RGPD2: variants seen among roughly 807,000 people sequenced by gnomAD.
RGPD2 encodes RANBP2 like and GRIP domain containing 2.
A neutral mutation model predicts 36.0 loss-of-function variants in RGPD2; 2 were observed. The ratio of observed to expected loss-of-function variants is 0.06; its 90% CI spans 0.02 to 0.17. The LOEUF (loss-of-function observed/expected upper bound fraction) is 0.17, where lower values mean the gene tolerates loss of function less well. RGPD2 is among the 10% of genes least tolerant of loss of function. RGPD2 has a pLI of 1.00. For synonymous variants in RGPD2, 19 were observed against 163.8 expected (o/e 0.12, Z 6.75); for missense variants, 40 against 464.3 (o/e 0.09, Z 8.40).
the RGPD2 span, among the ~76,000 whole-genome samples, chr2:87,849,453 AT>A: frequency 3.3e-5 from 5 of 152,068 alleles, no homozygotes; most frequent in Non-Finnish European, 7.4e-5. Flanking sequence ...TAATTTTGAG[AT>A]TTTTTTTCCT....
chr2:87,941,272 AC>A, the RGPD2 span, among the ~76,000 whole-genome samples: 3 of 149,184 alleles, frequency 2.0e-5, no homozygotes, highest in African/African-American at 7.4e-5. Flanking sequence ...TATATAGAAA[AC>A]TGGCTCAATG....
the RGPD2 span, among the ~76,000 whole-genome samples, chr2:87,961,188 A>C: frequency 2.2e-4 from 33 of 152,368 alleles, no homozygotes; most frequent in African/African-American, 7.9e-4. Context: ...AAGTGCACAC[A>C]ATTATTACTG....
chr2:87,890,525 AT>A, the RGPD2 span, among the ~76,000 whole-genome samples: 1 of 151,748 alleles, frequency 6.6e-6, no homozygotes, highest in African/African-American at 2.4e-5. Context: ...TGTTCTAGAC[AT>A]TTTTTTGTGT....
the RGPD2 span, among the ~76,000 whole-genome samples, chr2:87,964,095 G>A: frequency 6.6e-6 from 1 of 152,094 alleles, no homozygotes; most frequent in African/African-American, 2.4e-5. Flanking sequence ...GCCTCCCAAA[G>A]TGCTCGGATA....
chr2:87,878,924 A>T, the RGPD2 span, among the ~76,000 whole-genome samples: 1 of 152,194 alleles, frequency 6.6e-6, no homozygotes, highest in East Asian at 1.9e-4. Context: ...CATCTTAATG[A>T]CTGAATCGTA....
At chr2:87,979,962 T>G in the RGPD2 span, among the ~76,000 whole-genome samples, 1 of 150,902 alleles carries the variant, frequency 6.6e-6, no homozygotes, top group Non-Finnish European at 1.5e-5. Flanking sequence ...TGAGTGTGCA[T>G]ATATTAAAAC....
At chr2:87,912,738 C>T in the RGPD2 span, among the ~76,000 whole-genome samples, 4 of 90,014 alleles carry the variant, frequency 4.4e-5, no homozygotes, top group Admixed American at 1.4e-4. Flanking sequence ...TGTGATTAGC[C>T]CCATTTTACA....
the RGPD2 span, among the ~76,000 whole-genome samples, chr2:87,880,726 A>C: frequency 8.0e-5 from 2 of 24,894 alleles, no homozygotes; most frequent in African/African-American, 4.4e-4. Flanking sequence ...CACCTCTAAC[A>C]CTGGGATTAT....
At chr2:87,843,996 G>A in the RGPD2 span, among the ~76,000 whole-genome samples, 11 of 151,540 alleles carry the variant, frequency 7.3e-5, no homozygotes, top group Middle Eastern at 3.4e-3. Context: ...CTCACTCATA[G>A]GTGGGAATTG....
the RGPD2 span, among the ~76,000 whole-genome samples, chr2:87,918,180 A>G: frequency 1.6e-5 from 2 of 125,234 alleles, 1 homozygote; most frequent in Non-Finnish European, 3.3e-5. Flanking sequence ...ATAGTCTCAT[A>G]TAATCACACC....
In RGPD2 at chr2:87,824,742, G is replaced by GGCC. The variant is rs1329887497; in HGVS notation, c.72+913_72+915dup. 5.2e-3 allele frequency among the ~76,000 whole-genome samples: 452 copies of GGCC among 87,676 alleles called. 22 individuals are homozygous for GGCC. The highest frequency in any genetic ancestry group is 0.011 in the African/African-American group (249 of 23,626). The allele number at this position is 87,676 out of a possible 152,430, so 57.5% of individuals were successfully genotyped here. A position where few individuals can be genotyped will look rare whatever the true frequency, so the allele number is the denominator to read the frequency against. On this transcript the variant is annotated intron_variant, in intron 1 of 22. Coordinates refer to ENST00000398146, the MANE Select transcript of RGPD2 (RefSeq NM_001078170.3). ...CGCCGCCGCCGCCCGGCCAGGCCGAGGCCGCCGCCGCCGCCGCCGCCGCCG... is the reference window on the plus strand; with the variant it reads ...CGCCGCCGCCGCCCGGCCAGGCCGAGGCCGCCGCCGCCGCCGCCGCCGCCGCCG...
At chr2:87,879,255 G>A in the RGPD2 span, among the ~76,000 whole-genome samples, 7 of 151,634 alleles carry the variant, frequency 4.6e-5, no homozygotes, top group Non-Finnish European at 7.4e-5. Flanking sequence ...CCTGGTAAAT[G>A]GAGTATGCAT....
the RGPD2 span, among the ~76,000 whole-genome samples, chr2:87,845,709 C>G: frequency 6.6e-6 from 1 of 151,746 alleles, no homozygotes; most frequent in Non-Finnish European, 1.5e-5. Context: ...ATTAATTATC[C>G]GATCTTGAAA....
At chr2:87,883,916 C>G in the RGPD2 span, among the ~76,000 whole-genome samples, 4 of 150,834 alleles carry the variant, frequency 2.7e-5, no homozygotes, top group Non-Finnish European at 4.5e-5. Flanking sequence ...AAGAAAACAT[C>G]AGACTTAAAC....
the RGPD2 span, among the ~76,000 whole-genome samples, chr2:87,847,372 T>C: frequency 6.6e-6 from 1 of 152,194 alleles, no homozygotes; most frequent in South Asian, 2.1e-4. Flanking sequence ...TGTTTTGATA[T>C]TTTTTCTATT....
intron 1 of RGPD2, among the ~76,000 whole-genome samples, chr2:87,822,412 CTCA>C (rs1250061141): frequency 2.0e-5 from 3 of 146,870 alleles, no homozygotes; most frequent in African/African-American, 7.6e-5. Flanking sequence ...GAACAAGACT[CTCA>C]TCAGACTCCT....
At chr2:87,853,729 A>G in the RGPD2 span, among the ~76,000 whole-genome samples, 2 of 151,366 alleles carry the variant, frequency 1.3e-5, no homozygotes, top group East Asian at 3.9e-4. Flanking sequence ...TTGCTTTCAT[A>G]CTTCTTCCTT....
the RGPD2 span, among the ~76,000 whole-genome samples, chr2:87,846,173 C>T: frequency 2.0e-5 from 3 of 151,226 alleles, no homozygotes; most frequent in Non-Finnish European, 3.0e-5. Context: ...GGGGTAATAG[C>T]CTCATTGGTA....
chr2:87,952,836 C>T, the RGPD2 span, among the ~76,000 whole-genome samples: 1 of 151,680 alleles, frequency 6.6e-6, no homozygotes, highest in South Asian at 2.1e-4. Flanking sequence ...TTGCACTTAT[C>T]TCCCTCCTTG....
Sources: allele counts gnomAD v4.1 joint callset (sites outside exome capture counted in the v4.1 genomes callset), GRCh38; gene constraint gnomAD v4.1.1; transcripts MANE v1.5; gene names NCBI Gene and HGNC (gene_info 2026-07-23, HGNC 2026-07-21).